Variants in ACOXL observed in about 807,000 individuals in gnomAD.
ACOXL encodes acyl-coenzyme A oxidase-like protein.
ACOXL carries 70 observed loss-of-function variants against 71.9 expected under a neutral mutation model. The observed-to-expected ratio is 0.97, with a 90% CI of 0.80 to 1.19. The LOEUF (loss-of-function observed/expected upper bound fraction) is 1.19, where lower values mean the gene tolerates loss of function less well. ACOXL is among the 50% of genes most tolerant of loss of function. The pLI is 0.00. For missense variants in ACOXL, 703 were observed against 736.3 expected, an observed-to-expected ratio of 0.95 and a Z score of 0.52; for synonymous variants, 253 against 281.6, an observed-to-expected ratio of 0.90 and a Z score of 1.02.
intron 9 of ACOXL, among the ~76,000 whole-genome samples, chr2:110,840,955 A>T (rs1399847013): frequency 6.6e-6 from 1 of 152,166 alleles, no homozygotes; most frequent in Non-Finnish European, 1.5e-5. Flanking sequence ...AGCTCCCAGG[A>T]TCCCACCATG....
intron 10 of ACOXL, among the ~76,000 whole-genome samples, chr2:110,907,409 A>G (rs911485937): frequency 6.6e-6 from 1 of 152,188 alleles, no homozygotes; most frequent in Non-Finnish European, 1.5e-5. Context: ...GTGACCTAAC[A>G]TCATGATGAC....
chr2:110,959,835 T>A (rs574091912), intron 12 of ACOXL, among the ~76,000 whole-genome samples: 1 of 152,196 alleles, frequency 6.6e-6, no homozygotes, highest in African/African-American at 2.4e-5. Flanking sequence ...CTGTGTTCAG[T>A]AAGGGCCAAG....
Position 110,857,645 on chromosome 2 carries a change from A to G in ACOXL, c.788+16240A>G, listed in dbSNP as rs543910916. 1.7e-4 allele frequency among the ~76,000 whole-genome samples: 26 copies of G among 152,240 alleles called. No individual in the cohort carries two copies. In the South Asian group the frequency reaches 5.4e-3, roughly 32 times the overall value. On this transcript the variant is annotated intron_variant, in intron 10 of 17. Transcript: ENST00000439055. ...CAATTATCAACATTTTGACAGTTTT[A>G]GTTCACCCTATCCTCCCTTTTATCT...
intron 12 of ACOXL, among the ~76,000 whole-genome samples, chr2:110,980,360 G>A (rs958585397): frequency 6.6e-6 from 1 of 152,246 alleles, no homozygotes; most frequent in African/African-American, 2.4e-5. Flanking sequence ...GCCTGGGCAA[G>A]TTCCAGGTAG....
chr2:111,016,352 T>G (rs2064436623), intron 14 of ACOXL, among the ~76,000 whole-genome samples: 1 of 152,134 alleles, frequency 6.6e-6, no homozygotes, highest in African/African-American at 2.4e-5. Flanking sequence ...TCTGGGTGAT[T>G]CCATGGGCAT....
chr2:110,868,919 G>A (rs1474024867), intron 10 of ACOXL, among the ~76,000 whole-genome samples: 1 of 152,116 alleles, frequency 6.6e-6, no homozygotes, highest in Non-Finnish European at 1.5e-5. Context: ...TAATATATAG[G>A]CAAGGCTGAT....
At chr2:110,804,060 C>T (rs1009927266) in intron 8 of ACOXL, among the ~76,000 whole-genome samples, 1 of 148,060 alleles carries the variant, frequency 6.8e-6, no homozygotes, top group Non-Finnish European at 1.5e-5. Flanking sequence ...AATCTTGGCT[C>T]TCTGCAACCT....
intron 1 of ACOXL, among the ~76,000 whole-genome samples, chr2:110,742,916 G>T (rs56181028): frequency 0.054 from 8,203 of 152,190 alleles, 355 homozygotes; most frequent in African/African-American, 0.11. Context: ...CTAGAAGAGG[G>T]GAGATTCACA....
At chr2:111,100,460 A>G (rs192105976) in intron 17 of ACOXL, 2 of 152,812 alleles carry the variant, frequency 1.3e-5, no homozygotes, top group East Asian at 3.9e-4. Flanking sequence ...TAAGAGAGAA[A>G]ATAAATACTG....
At chr2:111,113,665 A>T (rs1157839640) in intron 17 of ACOXL, among the ~76,000 whole-genome samples, 2 of 152,226 alleles carry the variant, frequency 1.3e-5, no homozygotes, top group Admixed American at 1.3e-4. Context: ...ACAAGCATGG[A>T]ATAAAGGTGG....
At chr2:110,979,809 C>T (rs1268623200) in intron 12 of ACOXL, among the ~76,000 whole-genome samples, 5 of 152,322 alleles carry the variant, frequency 3.3e-5, no homozygotes, top group Middle Eastern at 6.8e-3. Flanking sequence ...GGCCTTTGCC[C>T]CTTTCCAAGG....
At chr2:110,754,327 C>T (rs1679393016) in intron 1 of ACOXL, among the ~76,000 whole-genome samples, 1 of 152,108 alleles carries the variant, frequency 6.6e-6, no homozygotes, top group Non-Finnish European at 1.5e-5. Context: ...GTGCCTCAGC[C>T]TCTCAAAGTG....
Position 110,769,262 on chromosome 2 carries a change from GA to G in ACOXL, c.75+805del, listed in dbSNP as rs548527078. ...AGAAAGAAAGAAAGAAAGAAAGAAA[GA>G]AAAAAATACATGATTAGTGAGTTCC... On this transcript the variant is annotated intron_variant, in intron 2 of 17. Coordinates refer to ENST00000439055, the MANE Select transcript of ACOXL (RefSeq NM_001142807.4). 4.8e-4 allele frequency among the ~76,000 whole-genome samples: 70 copies of G among 146,428 alleles called. 1 individual carries two copies. In the East Asian group the frequency reaches 0.013, roughly 28 times the overall value.
intron 10 of ACOXL, among the ~76,000 whole-genome samples, chr2:110,904,584 C>T (rs1029161466): frequency 2.0e-5 from 3 of 152,192 alleles, no homozygotes; most frequent in African/African-American, 7.2e-5. Flanking sequence ...GTATGGTGAG[C>T]TTGGCAGATC....
At chr2:111,059,069 A>G (rs1473975290) in intron 16 of ACOXL, among the ~76,000 whole-genome samples, 2 of 152,194 alleles carry the variant, frequency 1.3e-5, no homozygotes, top group African/African-American at 4.8e-5. Context: ...GATCTCTACA[A>G]AAAATTCTAA....
chr2:110,800,173 C>T (rs184731491), intron 7 of ACOXL, among the ~76,000 whole-genome samples: 2 of 152,290 alleles, frequency 1.3e-5, no homozygotes, highest in Admixed American at 1.3e-4. Context: ...CGGTCTGTGC[C>T]ACCTTTAAGA....
intron 1 of ACOXL, among the ~76,000 whole-genome samples, chr2:110,744,437 A>T (rs1271665131): frequency 6.6e-6 from 1 of 152,212 alleles, no homozygotes; most frequent in Non-Finnish European, 1.5e-5. Context: ...TGCTAATGTA[A>T]TATGAGACAT....
intron 9 of ACOXL, among the ~76,000 whole-genome samples, chr2:110,815,940 G>T (rs1687854686): frequency 6.6e-6 from 1 of 152,178 alleles, no homozygotes; most frequent in Non-Finnish European, 1.5e-5. Context: ...ACAGGACCTG[G>T]TACTTAGTAA....
chr2:111,103,301 A>G (rs928217601), intron 17 of ACOXL, among the ~76,000 whole-genome samples: 2 of 152,080 alleles, frequency 1.3e-5, no homozygotes, highest in African/African-American at 4.8e-5. Flanking sequence ...TCTCAAAAAA[A>G]ATTAAAAAAT....
Sources: gnomAD v4.1 joint callset for allele counts (sites outside exome capture counted in the v4.1 genomes callset) on GRCh38, gnomAD v4.1.1 for gene constraint, MANE v1.5 for transcripts, NCBI Gene and HGNC (gene_info 2026-07-23, HGNC 2026-07-21) for gene names.